The following DTNB variants were observed in gnomAD, a reference collection of about 807,000 sequenced individuals.
DTNB encodes the protein dystrobrevin beta.
A neutral mutation model predicts 90.7 loss-of-function variants in DTNB; 63 were observed. The ratio of observed to expected loss-of-function variants is 0.69; its 90% CI spans 0.57 to 0.86. The LOEUF (loss-of-function observed/expected upper bound fraction) is 0.86. DTNB is among the 40% of genes least tolerant of loss of function. DTNB has a pLI of 0.00. For synonymous variants in DTNB, 277 were observed against 286.7 expected, an observed-to-expected ratio of 0.97 and a Z score of 0.34; for missense variants, 744 against 807.1, an observed-to-expected ratio of 0.92 and a Z score of 0.95.
Position 25,451,547 on chromosome 2 carries a change from C to T in DTNB, c.1257+1G>A. On this transcript the variant is annotated splice_donor_variant, in intron 12 of 20. Coordinates refer to ENST00000406818, the MANE Select transcript of DTNB (RefSeq NM_021907.5). LOFTEE classifies it high-confidence loss of function. ...TCTCCTGGGATCCTCCATTAACTTA[C>T]CACGTTTCCTGCTTCTGCAGCCAGC... 1 of 1,605,586 alleles carries T rather than the reference C, an allele frequency of 6.2e-7. No individual in the cohort carries two copies. The highest frequency in any genetic ancestry group is 1.3e-5 in the African/African-American group (1 of 74,944).
rs2086061902 is a variant in DTNB, at chr2:25,672,105, ATGGGAAAG to A, written c.-2+1273_-2+1280del. 2.7e-5 allele frequency among the ~76,000 whole-genome samples: 4 copies of A among 150,916 alleles called. No homozygotes were observed. In the South Asian group the frequency reaches 8.4e-4, roughly 32 times the overall value. On this transcript the variant is annotated intron_variant, in intron 1 of 20. Coordinates refer to ENST00000406818, the MANE Select transcript of DTNB (RefSeq NM_021907.5). Reference sequence around the variant, plus strand: ...TCTTGAAGGCCAACATGAAAGACACATGGGAAAGTGGTAGCATGGCCACAGAAACCAAG... The same window carrying A: ...TCTTGAAGGCCAACATGAAAGACACATGGTAGCATGGCCACAGAAACCAAG...
At chr2:25,431,245 A>G (rs1479263948) in intron 14 of DTNB, among the ~76,000 whole-genome samples, 1 of 150,900 alleles carries the variant, frequency 6.6e-6, no homozygotes, top group African/African-American at 2.4e-5. Flanking sequence ...CTTGTTGCCC[A>G]GGCTGGAGTG....
chr2:25,405,945 T>C (rs374055282), intron 16 of DTNB, among the ~76,000 whole-genome samples: 43 of 152,078 alleles, frequency 2.8e-4, no homozygotes, highest in African/African-American at 1.0e-3. Flanking sequence ...TGACAGATAA[T>C]GGAGGCTGGA....
chr2:25,383,025 A>G (rs556385501), intron 19 of DTNB, among the ~76,000 whole-genome samples: 99 of 152,230 alleles, frequency 6.5e-4, no homozygotes, highest in Non-Finnish European at 1.3e-3. Context: ...CTAGGAAGGC[A>G]CTACTGTCCT....
chr2:25,508,387 G>A (rs1182538866), intron 9 of DTNB, among the ~76,000 whole-genome samples: 1 of 151,998 alleles, frequency 6.6e-6, no homozygotes, highest in African/African-American at 2.4e-5. Flanking sequence ...GGAAAGGGCT[G>A]TTAAATATGA....
chr2:25,461,938 G>T (rs888820292), intron 10 of DTNB, among the ~76,000 whole-genome samples: 1 of 152,216 alleles, frequency 6.6e-6, no homozygotes, highest in Admixed American at 6.5e-5. Flanking sequence ...TGAACACTCC[G>T]TGAGGCTCCG....
intron 6 of DTNB, among the ~76,000 whole-genome samples, chr2:25,582,442 C>T (rs1363583131): frequency 1.3e-5 from 2 of 151,938 alleles, no homozygotes; most frequent in Non-Finnish European, 2.9e-5. Flanking sequence ...TAAGAAACTG[C>T]TTAATGGGGA....
chr2:25,607,124 A>G (rs2067271759), intron 5 of DTNB, 112 bp downstream of exon 5: 1 of 1,138,310 alleles, frequency 8.8e-7, no homozygotes, highest in Non-Finnish European at 1.2e-6. Context: ...AGCGTGAGTG[A>G]CATGGTAATT....
intron 16 of DTNB, among the ~76,000 whole-genome samples, chr2:25,399,666 TTAAC>T (rs2043223206): frequency 6.6e-6 from 1 of 152,126 alleles, no homozygotes. Flanking sequence ...GTGAGATACT[TTAAC>T]TAGATAAGCA....
chr2:25,571,296 C>T (rs187314946), intron 8 of DTNB, among the ~76,000 whole-genome samples: 1 of 152,304 alleles, frequency 6.6e-6, no homozygotes, highest in East Asian at 1.9e-4. Context: ...TTTCTACTGT[C>T]TACTCTTTAC....
At chr2:25,617,158 C>A (rs909039461) in intron 4 of DTNB, among the ~76,000 whole-genome samples, 2 of 152,058 alleles carry the variant, frequency 1.3e-5, no homozygotes, top group East Asian at 1.9e-4. Context: ...CAAATGTATG[C>A]GTGCTTAACA....
intron 9 of DTNB, among the ~76,000 whole-genome samples, chr2:25,509,144 CTTTAA>C (rs2073307774): frequency 6.6e-6 from 1 of 152,222 alleles, no homozygotes; most frequent in South Asian, 2.1e-4. Flanking sequence ...ATCTGAATGC[CTTTAA>C]TTTCTTTTTC....
chr2:25,635,846 T>A (rs958071346), intron 3 of DTNB, among the ~76,000 whole-genome samples: 1 of 152,168 alleles, frequency 6.6e-6, no homozygotes, highest in Admixed American at 6.5e-5. Context: ...TTGCCTGACA[T>A]CTAGATTTAC....
intron 4 of DTNB, among the ~76,000 whole-genome samples, chr2:25,622,571 T>C (rs1235410663): frequency 2.0e-5 from 3 of 152,178 alleles, no homozygotes; most frequent in African/African-American, 4.8e-5. Context: ...AGGCACCCCA[T>C]ACTCCTACGT....
intron 4 of DTNB, 42 bp from the exon 5 acceptor site, chr2:25,607,363 C>A: frequency 6.5e-7 from 1 of 1,543,286 alleles, no homozygotes; most frequent in South Asian, 1.2e-5. Flanking sequence ...TATCTGAAAC[C>A]ACAAAAGGAC....
At chr2:25,493,226 C>CT (rs1351592378) in intron 9 of DTNB, among the ~76,000 whole-genome samples, 3 of 152,116 alleles carry the variant, frequency 2.0e-5, no homozygotes, top group East Asian at 3.8e-4. Context: ...TGCTCGACTT[C>CT]TTTTTTTGTA....
intron 12 of DTNB, among the ~76,000 whole-genome samples, chr2:25,438,506 G>A (rs1330506493): frequency 6.6e-6 from 1 of 152,132 alleles, no homozygotes; most frequent in Non-Finnish European, 1.5e-5. Context: ...TGAAGCCACT[G>A]TAGGATTCTG....
chr2:25,589,367 C>CTCT (rs2063078912), intron 6 of DTNB, among the ~76,000 whole-genome samples: 11 of 57,558 alleles, frequency 1.9e-4, no homozygotes, highest in Admixed American at 5.1e-4. Context: ...TTTTTCTTTT[C>CTCT]TTTTTTTTTT....
chr2:25,400,039 C>T (rs956510403), intron 16 of DTNB, among the ~76,000 whole-genome samples: 1 of 152,198 alleles, frequency 6.6e-6, no homozygotes. Flanking sequence ...CGTACCACAG[C>T]TGCTGGCCAC....
Sources: gnomAD v4.1 joint callset for allele counts (sites outside exome capture counted in the v4.1 genomes callset) on GRCh38, gnomAD v4.1.1 for gene constraint, MANE v1.5 for transcripts, NCBI Gene and HGNC (gene_info 2026-07-23, HGNC 2026-07-21) for gene names.